Variants in SNRNP200 observed in about 807,000 individuals in gnomAD.
SNRNP200 encodes the protein small nuclear ribonucleoprotein U5 subunit 200.
SNRNP200 carries 66 observed loss-of-function variants against 255.2 expected under a neutral mutation model. The observed-to-expected ratio is 0.26, with a 90% CI of 0.21 to 0.32. The LOEUF is 0.32. SNRNP200 is among the 10% of genes least tolerant of loss of function. The pLI is 1.00. For missense variants in SNRNP200, 1,585 were observed against 2,749.8 expected, an observed-to-expected ratio of 0.58 and a Z score of 9.47; for synonymous variants, 939 against 1,027.8, an observed-to-expected ratio of 0.91 and a Z score of 1.65.
chr2:96,290,194 G>C lies in SNRNP200; in HGVS notation c.2742+132C>G, dbSNP rs1340599323. On this transcript the variant is annotated intron_variant, in intron 20 of 44. Coordinates refer to ENST00000323853, the MANE Select transcript of SNRNP200 (RefSeq NM_014014.5). The surrounding 1 kb of genome is among the most constrained non-coding windows in gnomAD (Gnocchi z 4.5). ...TGGTAACAAGGGGAACTATCTGCCAGACCCAAGATGTGGGTGCAGGGATGG... is the reference window on the plus strand; with the variant it reads ...TGGTAACAAGGGGAACTATCTGCCACACCCAAGATGTGGGTGCAGGGATGG... The C allele has an allele frequency of 1.8e-6, 2 of 1,116,540 alleles. No individual in the cohort carries two copies. The highest frequency in any genetic ancestry group is 3.1e-5 in the African/African-American group (2 of 65,352). 69.2% of individuals were successfully genotyped at this position (1,116,540 alleles called of 1,614,324 possible).
At position 96,274,601 on chromosome 2, in the gene SNRNP200, T is replaced by G. The variant is rs1480437871; in HGVS notation, c.*411A>C. The G allele has an allele frequency of 3.1e-6, 1 of 325,838 alleles. No individual in the cohort carries two copies. Among genetic ancestry groups the G allele is most frequent in the Admixed American group, 4.5e-5 (1 of 22,218 alleles). 20.2% of individuals were successfully genotyped at this position (325,838 alleles called of 1,614,324 possible). On this transcript the variant is annotated 3_prime_UTR_variant, in exon 45 of 45. Coordinates refer to ENST00000323853, the MANE Select transcript of SNRNP200 (RefSeq NM_014014.5). ...AGGCTACAGGGGACAGCACACCTAA[T>G]GAGCAGGTCTGTCCTCCAGACATAC...
At chr2:96,282,549 T>C (rs2063809739) in intron 34 of SNRNP200, 1 of 179,356 alleles carries the variant, frequency 5.6e-6, no homozygotes, top group South Asian at 1.2e-4. Context: ...TAGTCTCCAG[T>C]GTTGGAGGAA....
Position 96,277,320 on chromosome 2 carries a change from T to C in SNRNP200, c.5932-79A>G. 6.8e-7 allele frequency: 1 copy of C among 1,477,062 alleles called. No individual in the cohort carries two copies. The highest frequency in any genetic ancestry group is 9.5e-7 in the Non-Finnish European group (1 of 1,056,878). 91.5% of individuals were successfully genotyped at this position (1,477,062 alleles called of 1,614,324 possible). On this transcript the variant is annotated intron_variant, in intron 41 of 44. Coordinates refer to ENST00000323853, the MANE Select transcript of SNRNP200 (RefSeq NM_014014.5). The surrounding 1 kb of genome is among the most constrained non-coding windows in gnomAD (Gnocchi z 4.4). ...GACACAGGCAGCAAAGAGCTACTAA[T>C]TTTACCTCCTACACTATCAAGTCAT...
Position 96,293,304 on chromosome 2 carries a change from C to A in SNRNP200, c.2036+12G>T. The A allele has an allele frequency of 6.2e-7, 1 of 1,613,192 alleles. No homozygotes were observed. Among genetic ancestry groups the A allele is most frequent in the Non-Finnish European group, 8.5e-7 (1 of 1,179,108 alleles). On this transcript the variant is annotated intron_variant, in intron 15 of 44. Coordinates refer to ENST00000323853, the MANE Select transcript of SNRNP200 (RefSeq NM_014014.5). ...TCACCTTGGCAGAACTTTGCCCAGTCTTTCCTGATACCTGTTGTCAAAGTA... is the reference window on the plus strand; with the variant it reads ...TCACCTTGGCAGAACTTTGCCCAGTATTTCCTGATACCTGTTGTCAAAGTA...
Position 96,298,589 on chromosome 2 carries a change from C to T in SNRNP200, c.982+14G>A. The T allele has an allele frequency of 6.2e-7, 1 of 1,612,838 alleles. No individual in the cohort carries two copies. The highest frequency in any genetic ancestry group is 8.5e-7 in the Non-Finnish European group (1 of 1,178,822). On this transcript the variant is annotated intron_variant, in intron 8 of 44. Transcript: ENST00000323853. ...ATGTACTCACTCTGCAGGAAGACCC[C>T]ACCATATACTCACTCATCATCCTGT...
rs372718424 is a variant in SNRNP200 at position 96,277,745 on chromosome 2, C to G, written c.5755-30G>C. ...ACAGGAAAAGGAGTATAAAAGTGGGCGGAGTTGGAGCTGAGATGTTTAGAG... is the reference window on the plus strand; with the variant it reads ...ACAGGAAAAGGAGTATAAAAGTGGGGGGAGTTGGAGCTGAGATGTTTAGAG... On this transcript the variant is annotated intron_variant, in intron 40 of 44. Coordinates refer to ENST00000323853, the MANE Select transcript of SNRNP200 (RefSeq NM_014014.5). The surrounding 1 kb of genome is among the most constrained non-coding windows in gnomAD (Gnocchi z 4.4). The G allele has an allele frequency of 6.2e-7, 1 of 1,614,072 alleles. No homozygotes were observed. The highest frequency in any genetic ancestry group is 1.7e-5 in the Admixed American group (1 of 60,018).
intron 35 of SNRNP200, chr2:96,281,356 C>T (rs895367190): frequency 4.8e-5 from 9 of 188,682 alleles, no homozygotes; most frequent in South Asian, 9.0e-5. Flanking sequence ...TTAGTAGAGA[C>T]GGGGGTTTCA....
rs1021448044 is a variant in SNRNP200, at chr2:96,277,262, T to A, written c.5932-21A>T. The A allele has an allele frequency of 6.2e-7, 1 of 1,613,844 alleles. No individual in the cohort carries two copies. Among genetic ancestry groups the A allele is most frequent in the Admixed American group, 1.7e-5 (1 of 59,986 alleles). ...ACTCCCTGCAGTGAGTATTCAGACG[T>A]CAGGAAAGAGAGAACACGGGCCAAC... On this transcript the variant is annotated intron_variant, in intron 41 of 44. Transcript: ENST00000323853. The surrounding 1 kb of genome is among the most constrained non-coding windows in gnomAD (Gnocchi z 4.4).
chr2:96,289,775 C>A, intron 21 of SNRNP200, 24 bp downstream of exon 21: 1 of 1,612,064 alleles, frequency 6.2e-7, no homozygotes. Flanking sequence ...GAGACCTTTG[C>A]CTCAAAACCC....
chr2:96,281,105 CT>C (rs780512600), intron 35 of SNRNP200: 6 of 151,180 alleles, frequency 4.0e-5, no homozygotes, highest in Non-Finnish European at 5.9e-5. Context: ...ATCAGGTGAT[CT>C]GCCCACCTTG....
Position 96,286,752 on chromosome 2 carries a change from G to A in SNRNP200, c.3765C>T (p.Phe1255=), listed in dbSNP as rs764554004. 6.2e-6 allele frequency: 10 copies of A among 1,614,188 alleles called. No individual in the cohort carries two copies. The highest frequency in any genetic ancestry group is 1.3e-5 in the African/African-American group (1 of 75,040). ...YAQDEHLITF[F]VPVFEPLPPQ... ...GGGGCAGCGGTTCAAAGACAGGCAC[G>A]AAGAATGTAATGAGGTGCTCGTCCT... Residue 1255 remains phenylalanine (F), a synonymous_variant, in exon 28 of 45, where the codon TTC becomes TTT. Coordinates refer to ENST00000323853, the MANE Select transcript of SNRNP200 (RefSeq NM_014014.5). This position sits in a 1 kb window ranked among gnomAD's most constrained non-coding sequence, Gnocchi z 4.8.
intron 5 of SNRNP200, among the ~76,000 whole-genome samples, chr2:96,300,591 G>A (rs1201534382): frequency 1.3e-5 from 2 of 152,074 alleles, no homozygotes; most frequent in Middle Eastern, 3.4e-3. Flanking sequence ...GTGAAACCCC[G>A]TCTCCACTAA....
intron 13 of SNRNP200, 88 bp from the exon 14 acceptor site, chr2:96,295,746 TG>T: frequency 7.2e-7 from 1 of 1,381,814 alleles, no homozygotes; most frequent in Admixed American, 1.9e-5. Flanking sequence ...TGTAGGGCAT[TG>T]GGAGCAGGTA....
At chr2:96,276,571 A>G (rs1051581926) in intron 43 of SNRNP200, 4 of 355,398 alleles carry the variant, frequency 1.1e-5, no homozygotes, top group South Asian at 4.4e-5. Context: ...ACAGGTGCCC[A>G]CCACCACGCA....
In SNRNP200 at chr2:96,286,229, C is replaced by A. The variant is rs188277846; in HGVS notation, c.4003+82G>T. On this transcript the variant is annotated intron_variant, in intron 29 of 44. Transcript: ENST00000323853. This position sits in a 1 kb window ranked among gnomAD's most constrained non-coding sequence, Gnocchi z 4.8. ...CCCAGACCTCCCAAGTGCCTGAGCA[C>A]CCCCACTCCCCTGCCTGCCACAGAG... 166 of 1,438,132 alleles carry A rather than the reference C, an allele frequency of 1.2e-4. No homozygotes were observed. In the East Asian group the frequency reaches 3.7e-3, roughly 32 times the overall value. The allele number at this position is 1,438,132 out of a possible 1,614,324, so 89.1% of individuals were successfully genotyped here.
Position 96,287,280 on chromosome 2 carries a change from G to A in SNRNP200, c.3485-120C>T, listed in dbSNP as rs984329646. Reference sequence around the variant, plus strand: ...TCCCTTTATGGTCAGTGGAGCCCAGGATTCCAAGTCCCCAGACCAAGGGCC... The same window carrying A: ...TCCCTTTATGGTCAGTGGAGCCCAGAATTCCAAGTCCCCAGACCAAGGGCC... On this transcript the variant is annotated intron_variant, in intron 26 of 44. Coordinates refer to ENST00000323853, the MANE Select transcript of SNRNP200 (RefSeq NM_014014.5). This position sits in a 1 kb window ranked among gnomAD's most constrained non-coding sequence, Gnocchi z 5.7. The A allele has an allele frequency of 1.6e-5, 22 of 1,371,416 alleles. No individual in the cohort carries two copies. The highest frequency in any genetic ancestry group is 2.2e-5 in the Non-Finnish European group (21 of 960,430). The allele number at this position is 1,371,416 out of a possible 1,614,324, so 85.0% of individuals were successfully genotyped here. A position where few individuals can be genotyped will look rare whatever the true frequency, so the allele number is the denominator to read the frequency against.
rs2063824848 is a variant in SNRNP200 at position 96,283,893 on chromosome 2, G to A, written c.4504C>T (p.His1502Tyr). 4 of 1,595,892 alleles carry A rather than the reference G, an allele frequency of 2.5e-6. No individual in the cohort carries two copies. The highest frequency in any genetic ancestry group is 3.4e-6 in the Non-Finnish European group (4 of 1,171,194). Residue 1502 changes from histidine to tyrosine, a missense_variant, in exon 32 of 45, where the codon CAC becomes TAC. This residue lies in a region of SNRNP200 where 719 missense variants were observed against 1,091.1 expected (regional missense o/e 0.66). Transcript: ENST00000323853. This position sits in a 1 kb window ranked among gnomAD's most constrained non-coding sequence, Gnocchi z 4.7. Reference sequence around the variant, plus strand: ...GAGGTGGCACTGCAGCCCAGCCAGTGGGCCACATCCTTGGCATTGGAGAGC... The same window carrying A: ...GAGGTGGCACTGCAGCCCAGCCAGTAGGCCACATCCTTGGCATTGGAGAGC... ...SSLSNAKDVAHWLGCSATSTF... is the reference protein window; with the variant it reads ...SSLSNAKDVAYWLGCSATSTF...
chr2:96,291,505 G>A lies in SNRNP200; in HGVS notation c.2311-3C>T, dbSNP rs180752931. On this transcript the variant is annotated splice_polypyrimidine_tract_variant and splice_region_variant and intron_variant, in intron 17 of 44. Coordinates refer to ENST00000323853, the MANE Select transcript of SNRNP200 (RefSeq NM_014014.5). This position sits in a 1 kb window ranked among gnomAD's most constrained non-coding sequence, Gnocchi z 4.2. ...AGAAGATCCTTCAGCTCTAGGTTCT[G>A]TGGAACAAAGAACCGGGGATGAGGC... 2 of 1,583,450 alleles carry A rather than the reference G, an allele frequency of 1.3e-6. No individual in the cohort carries two copies. Among genetic ancestry groups the A allele is most frequent in the East Asian group, 4.5e-5 (2 of 44,752 alleles).
rs909980680 is a variant in SNRNP200, at chr2:96,276,990, A to G, written c.6093-5T>C. The G allele has an allele frequency of 6.2e-7, 1 of 1,614,088 alleles. No individual in the cohort carries two copies. ...AGCACCACAACTGGCCCGCCACTGCAGGGGGAGAGGAGGGGCGCACGTCAG... is the reference window on the plus strand; with the variant it reads ...AGCACCACAACTGGCCCGCCACTGCGGGGGGAGAGGAGGGGCGCACGTCAG... On this transcript the variant is annotated splice_region_variant and splice_polypyrimidine_tract_variant and intron_variant, in intron 42 of 44. Coordinates refer to ENST00000323853, the MANE Select transcript of SNRNP200 (RefSeq NM_014014.5).
Sources: gnomAD v4.1 joint callset for allele counts (sites outside exome capture counted in the v4.1 genomes callset) on GRCh38, gnomAD v4.1.1 for gene constraint, gnomAD v4.1.1 regional missense constraint, Gnocchi (gnomAD v3.1) non-coding constraint, MANE v1.5 for transcripts, NCBI Gene and HGNC (gene_info 2026-07-23, HGNC 2026-07-21) for gene names.